Variants in TSHZ2 observed in about 807,000 individuals in gnomAD.
TSHZ2 encodes the protein teashirt zinc finger homeobox 2, also known as teashirt homolog 2.
Under a neutral mutation model 74.4 loss-of-function variants are expected in TSHZ2, and 21 were observed. The observed-to-expected ratio is 0.28, with a 90% CI of 0.20 to 0.41. The LOEUF is 0.41. TSHZ2 is among the 10% of genes least tolerant of loss of function. The pLI is 1.00. For missense variants in TSHZ2, 1,244 were observed against 1,293.5 expected (o/e 0.96, Z 0.59); for synonymous variants, 540 against 515.3 (o/e 1.05, Z -0.65).
At chr20:53,421,530 T>C (rs1208820961) in intron 2 of TSHZ2, 2 of 231,506 alleles carry the variant, frequency 8.6e-6, no homozygotes, top group Non-Finnish European at 9.0e-6. Context: ...AGTGGCTGGA[T>C]GGCAAGCGTG....
At chr20:53,193,572 A>T (rs2426460) in intron 1 of TSHZ2, among the ~76,000 whole-genome samples, 1 of 151,994 alleles carries the variant, frequency 6.6e-6, no homozygotes, top group Admixed American at 6.5e-5. Context: ...CTGTTCCCCA[A>T]ATCTAACCAA....
chr20:53,060,824 A>C (rs1461737598), intron 1 of TSHZ2, among the ~76,000 whole-genome samples: 2 of 152,224 alleles, frequency 1.3e-5, no homozygotes, highest in Non-Finnish European at 2.9e-5. Flanking sequence ...GGATATCAAC[A>C]GCCAGATTTT....
At chr20:53,157,424 AG>A (rs1987822738) in intron 1 of TSHZ2, among the ~76,000 whole-genome samples, 2 of 75,898 alleles carry the variant, frequency 2.6e-5, no homozygotes, top group South Asian at 7.5e-4. Context: ...TTTTTTTTTT[AG>A]AGACAGGATC....
At chr20:53,454,423 A>G (rs6068549) in intron 2 of TSHZ2, among the ~76,000 whole-genome samples, 87,268 of 151,684 alleles carry the variant, frequency 0.58, 25,621 homozygotes, top group African/African-American at 0.69. Context: ...TTAGCCGGGC[A>G]TGGTGGCACG....
Position 53,254,293 on chromosome 20 carries a change from T to C in TSHZ2, c.835T>C (p.Phe279Leu). ...TGCTCAAAAGGTTCTGAAATGTATG[T>C]TTTGTGGCGACTCCTTTGATTCCCT... ...EDAQKVLKCM[F>L]CGDSFDSLQD... The change falls in exon 2 of 3, where the codon TTT becomes CTT. Residue 279 changes from phenylalanine to leucine, a missense_variant. Physicochemically the swap from Phe to Leu is conservative, Grantham distance 22. Transcript: ENST00000371497. 2 of 1,614,130 alleles carry C rather than the reference T, an allele frequency of 1.2e-6. No individual in the cohort carries two copies. The highest frequency in any genetic ancestry group is 1.7e-6 in the Non-Finnish European group (2 of 1,180,024).
At chr20:53,387,632 A>G (rs572403504) in intron 2 of TSHZ2, among the ~76,000 whole-genome samples, 2 of 152,298 alleles carry the variant, frequency 1.3e-5, no homozygotes, top group South Asian at 4.1e-4. Context: ...TCCCCTCTTG[A>G]AGTGAAACTT....
At chr20:53,151,881 GATAC>G (rs1443229563) in intron 1 of TSHZ2, among the ~76,000 whole-genome samples, 1 of 152,132 alleles carries the variant, frequency 6.6e-6, no homozygotes, top group East Asian at 1.9e-4. Flanking sequence ...TATATATCAA[GATAC>G]ATACAAAATA....
At chr20:52,985,483 G>A (rs985265530) in intron 1 of TSHZ2, among the ~76,000 whole-genome samples, 1 of 152,136 alleles carries the variant, frequency 6.6e-6, no homozygotes, top group African/African-American at 2.4e-5. Context: ...TTGGTAGAAT[G>A]GGGATAATAA....
At chr20:53,009,897 C>T (rs778764643) in intron 1 of TSHZ2, among the ~76,000 whole-genome samples, 1 of 152,172 alleles carries the variant, frequency 6.6e-6, no homozygotes, top group African/African-American at 2.4e-5. Context: ...ACATTGGGAA[C>T]TCTGAGGATT....
chr20:53,436,524 TTTATTATTATTATTA>T (rs754149055), intron 2 of TSHZ2, among the ~76,000 whole-genome samples: 8 of 123,348 alleles, frequency 6.5e-5, no homozygotes, highest in Admixed American at 1.8e-4. Flanking sequence ...ATTTTATTTA[TTTATTATTATTATTA>T]TTATTATTAT....
chr20:53,026,041 T>C (rs1293518111), intron 1 of TSHZ2, among the ~76,000 whole-genome samples: 1 of 152,194 alleles, frequency 6.6e-6, no homozygotes, highest in Non-Finnish European at 1.5e-5. Flanking sequence ...AAGTGCTCTT[T>C]GTCATTTGTT....
At chr20:53,452,660 G>T (rs1267891668) in intron 2 of TSHZ2, among the ~76,000 whole-genome samples, 1 of 151,076 alleles carries the variant, frequency 6.6e-6, no homozygotes, top group African/African-American at 2.4e-5. Context: ...AGCCCACTGA[G>T]CCCATTGACT....
At chr20:53,228,042 T>G (rs981022380) in intron 1 of TSHZ2, among the ~76,000 whole-genome samples, 2 of 148,306 alleles carry the variant, frequency 1.3e-5, no homozygotes, top group Non-Finnish European at 3.0e-5. Flanking sequence ...TTTTTTTGAT[T>G]CTGGTTTGTT....
intron 2 of TSHZ2, among the ~76,000 whole-genome samples, chr20:53,328,158 A>G (rs1247463996): frequency 6.6e-6 from 1 of 152,206 alleles, no homozygotes; most frequent in African/African-American, 2.4e-5. Context: ...CATCATGACC[A>G]GTAGGAGGAA....
chr20:53,062,405 G>A (rs767783188), intron 1 of TSHZ2, among the ~76,000 whole-genome samples: 6 of 152,196 alleles, frequency 3.9e-5, no homozygotes, highest in African/African-American at 4.8e-5. Flanking sequence ...AATTATAAAA[G>A]TAGGTATAAC....
At position 53,493,408 on chromosome 20, in the gene TSHZ2, G is replaced by A. The variant is rs760409448; in HGVS notation, c.*6273G>A. 2 of 152,032 alleles carry A rather than the reference G, an allele frequency of 1.3e-5. No individual in the cohort carries two copies. The highest frequency in any genetic ancestry group is 2.9e-5 in the Non-Finnish European group (2 of 68,008). The allele number at this position is 152,032 out of a possible 1,614,324, so 9.4% of individuals were successfully genotyped here. On this transcript the variant is annotated 3_prime_UTR_variant, in exon 3 of 3. Coordinates refer to ENST00000371497, the MANE Select transcript of TSHZ2 (RefSeq NM_173485.6). ...TTTAAAGGCATGCTTTACCCCCATG[G>A]GAAAACTGCACACTCATCCATGTAG...
intron 2 of TSHZ2, among the ~76,000 whole-genome samples, chr20:53,274,102 T>G (rs1460222929): frequency 6.6e-6 from 1 of 152,198 alleles, no homozygotes; most frequent in South Asian, 2.1e-4. Flanking sequence ...AGACCTCATA[T>G]CTACTAAAAA....
chr20:53,393,799 G>T (rs1600603887), intron 2 of TSHZ2, among the ~76,000 whole-genome samples: 1 of 152,306 alleles, frequency 6.6e-6, no homozygotes, highest in East Asian at 1.9e-4. Flanking sequence ...TCTCCACGGG[G>T]AGAAACTGGG....
intron 1 of TSHZ2, among the ~76,000 whole-genome samples, chr20:53,229,926 G>A (rs1005658547): frequency 3.3e-5 from 5 of 149,822 alleles, no homozygotes; most frequent in Non-Finnish European, 7.4e-5. Context: ...AAAGAAGAAG[G>A]AAGAGAAAGA....
Sources: allele counts gnomAD v4.1 joint callset (sites outside exome capture counted in the v4.1 genomes callset), GRCh38; gene constraint gnomAD v4.1.1; transcripts MANE v1.5; gene names NCBI Gene and HGNC (gene_info 2026-07-23, HGNC 2026-07-21).